The following NLGN1 variants were observed in gnomAD, a reference collection of about 807,000 sequenced individuals.
NLGN1 encodes neuroligin 1.
A neutral mutation model predicts 65.5 loss-of-function variants in NLGN1; 12 were observed. The observed-to-expected ratio is 0.18, with a 90% confidence interval of 0.12 to 0.30. The LOEUF (loss-of-function observed/expected upper bound fraction) is 0.30. NLGN1 is among the 10% of genes least tolerant of loss of function. The probability of loss-of-function intolerance (pLI) is 1.00; values close to 1 mark genes in which losing one functional copy is unlikely to be tolerated. For missense variants in NLGN1, 750 were observed against 1,007.1 expected (o/e 0.74, Z 3.46); for synonymous variants, 350 against 359.5 (o/e 0.97, Z 0.30).
At chr3:174,050,934 G>A (rs73880324) in intron 4 of NLGN1, among the ~76,000 whole-genome samples, 3,431 of 152,074 alleles carry the variant, frequency 0.023, 138 homozygotes, top group African/African-American at 0.078. Context: ...AGAAGAGAAC[G>A]CTGGGCTGAG....
chr3:173,664,830 T>A (rs1315788065), intron 3 of NLGN1, among the ~76,000 whole-genome samples: 1 of 152,112 alleles, frequency 6.6e-6, no homozygotes, highest in Non-Finnish European at 1.5e-5. Flanking sequence ...TTCGGTGCTC[T>A]TTTCTCTAAA....
chr3:173,559,158 C>G (rs1010583943), intron 2 of NLGN1, among the ~76,000 whole-genome samples: 2 of 152,244 alleles, frequency 1.3e-5, no homozygotes, highest in Admixed American at 1.3e-4. Context: ...CTAGTAAAGC[C>G]TTAAAATCAA....
chr3:173,648,015 C>T (rs1758548191), intron 3 of NLGN1, among the ~76,000 whole-genome samples: 1 of 151,980 alleles, frequency 6.6e-6, no homozygotes, highest in Non-Finnish European at 1.5e-5. Flanking sequence ...ATATAATCAG[C>T]CTTTTTTCTT....
chr3:173,737,403 C>T (rs965386485), intron 3 of NLGN1, among the ~76,000 whole-genome samples: 1 of 151,940 alleles, frequency 6.6e-6, no homozygotes, highest in African/African-American at 2.4e-5. Context: ...AAACCCCATA[C>T]CTATAAGCAG....
chr3:174,099,415 G>A (rs1288510762), intron 4 of NLGN1, among the ~76,000 whole-genome samples: 1 of 152,138 alleles, frequency 6.6e-6, no homozygotes, highest in African/African-American at 2.4e-5. Flanking sequence ...TAAGATATGT[G>A]TGGTCAATTT....
At chr3:174,214,385 T>C (rs1225705513) in intron 4 of NLGN1, among the ~76,000 whole-genome samples, 1 of 152,228 alleles carries the variant, frequency 6.6e-6, no homozygotes, top group Non-Finnish European at 1.5e-5. Context: ...TAGAAGCAAT[T>C]ACTAGTGAAT....
intron 2 of NLGN1, among the ~76,000 whole-genome samples, chr3:173,441,531 A>G (rs1719202321): frequency 6.6e-6 from 1 of 152,106 alleles, no homozygotes; most frequent in Non-Finnish European, 1.5e-5. Context: ...TGTCTCTGGT[A>G]ATAGGGAGGC....
At chr3:173,875,998 C>A (rs1239268582) in intron 4 of NLGN1, among the ~76,000 whole-genome samples, 2 of 150,194 alleles carry the variant, frequency 1.3e-5, no homozygotes, top group East Asian at 3.9e-4. Flanking sequence ...AAAAGCCTCT[C>A]AAAAAAAAAT....
At chr3:173,462,425 C>T (rs1723560847) in intron 2 of NLGN1, among the ~76,000 whole-genome samples, 2 of 152,158 alleles carry the variant, frequency 1.3e-5, no homozygotes, top group South Asian at 4.1e-4. Flanking sequence ...CCCCATCCTC[C>T]TCAATGCTTT....
rs374042007 is a variant in NLGN1, at chr3:174,219,596, T to C, written c.647-55719T>C. On this transcript the variant is annotated intron_variant, in intron 4 of 6. Transcript: ENST00000457714. Reference sequence around the variant, plus strand: ...GAGAACTGCAGCAAGGAGACTTAAGTGTAAACTGCTTAGTACATCGTAGGA... The same window carrying C: ...GAGAACTGCAGCAAGGAGACTTAAGCGTAAACTGCTTAGTACATCGTAGGA... Among the ~76,000 whole-genome samples, 14 of 152,244 alleles carry C rather than the reference T, an allele frequency of 9.2e-5. No individual in the cohort carries two copies. The East Asian group carries it at 1.7e-3, about 19-fold the overall frequency.
intron 4 of NLGN1, among the ~76,000 whole-genome samples, chr3:173,883,290 G>T (rs1733685357): frequency 6.6e-6 from 1 of 152,114 alleles, no homozygotes; most frequent in South Asian, 2.1e-4. Context: ...AAAAGGAGGC[G>T]AGAGATAAGG....
At chr3:173,409,861 C>A (rs1712143424) in intron 1 of NLGN1, among the ~76,000 whole-genome samples, 1 of 152,144 alleles carries the variant, frequency 6.6e-6, no homozygotes, top group Non-Finnish European at 1.5e-5. Context: ...AAGATCATTG[C>A]TAGTGAGAAC....
chr3:173,949,705 A>T (rs886210536), intron 4 of NLGN1, among the ~76,000 whole-genome samples: 14 of 152,286 alleles, frequency 9.2e-5, no homozygotes, highest in Admixed American at 9.2e-4. Flanking sequence ...GTGAAACATG[A>T]CACTGTCGTA....
At chr3:173,790,746 G>T (rs1712536289) in intron 3 of NLGN1, among the ~76,000 whole-genome samples, 1 of 151,996 alleles carries the variant, frequency 6.6e-6, no homozygotes, top group Non-Finnish European at 1.5e-5. Context: ...TAGAAGAGAG[G>T]TGAAGGGCAA....
At chr3:173,841,506 GATA>G (rs1724778654) in intron 4 of NLGN1, among the ~76,000 whole-genome samples, 2 of 152,268 alleles carry the variant, frequency 1.3e-5, no homozygotes, top group South Asian at 2.1e-4. Flanking sequence ...ATAGTGAGGT[GATA>G]ATATTCCCTC....
chr3:174,105,302 C>A (rs1321634336), intron 4 of NLGN1, among the ~76,000 whole-genome samples: 1 of 152,058 alleles, frequency 6.6e-6, no homozygotes, highest in Admixed American at 6.6e-5. Context: ...CCTTTGGGAG[C>A]CAAGGCAGGT....
intron 3 of NLGN1, among the ~76,000 whole-genome samples, chr3:173,643,004 T>G (rs1577695848): frequency 6.6e-6 from 1 of 152,180 alleles, no homozygotes; most frequent in Non-Finnish European, 1.5e-5. Context: ...TGAAGCTACC[T>G]TCTAAACATG....
chr3:173,815,657 G>A (rs1299452995), intron 4 of NLGN1, among the ~76,000 whole-genome samples: 3 of 152,068 alleles, frequency 2.0e-5, no homozygotes, highest in Non-Finnish European at 4.4e-5. Context: ...TAAATGTTGT[G>A]CAATTAAGCA....
At chr3:174,056,277 A>G (rs893447968) in intron 4 of NLGN1, among the ~76,000 whole-genome samples, 8 of 151,928 alleles carry the variant, frequency 5.3e-5, no homozygotes, top group African/African-American at 1.9e-4. Context: ...TCGTGTCTGC[A>G]TTTGTTTCTT....
Sources: allele counts gnomAD v4.1 joint callset (sites outside exome capture counted in the v4.1 genomes callset), GRCh38; gene constraint gnomAD v4.1.1; transcripts MANE v1.5; gene names NCBI Gene and HGNC (gene_info 2026-07-23, HGNC 2026-07-21).